TRDN: variants seen among roughly 807,000 people sequenced by gnomAD.
The protein encoded by TRDN is triadin.
TRDN carries 161 observed loss-of-function variants against 149.7 expected under a neutral mutation model. The observed-to-expected ratio is 1.08, with a 90% CI of 0.95 to 1.23. TRDN has a LOEUF of 1.23. Ranked by LOEUF, TRDN falls within the 50% of genes most tolerant of loss-of-function variation. TRDN has a pLI of 0.00. For synonymous variants in TRDN, 294 were observed against 250.5 expected (o/e 1.17, Z -1.64); for missense variants, 896 against 823.5 (o/e 1.09, Z -1.08).
intron 8 of TRDN, among the ~76,000 whole-genome samples, chr6:123,499,719 A>AAATATAT: frequency 4.2e-5 from 2 of 47,684 alleles, no homozygotes. Context: ...AAAAAAAAAA[A>AAATATAT]ATATATATAT....
At chr6:123,451,787 A>G (rs926708387) in intron 10 of TRDN, among the ~76,000 whole-genome samples, 2 of 152,172 alleles carry the variant, frequency 1.3e-5, no homozygotes, top group Admixed American at 1.3e-4. Context: ...AGGAAAGGAC[A>G]TAATGAAAAA....
chr6:123,332,741 C>A (rs906618558), intron 22 of TRDN, among the ~76,000 whole-genome samples: 1 of 152,020 alleles, frequency 6.6e-6, no homozygotes, highest in African/African-American at 2.4e-5. Flanking sequence ...ATCCTTTCAG[C>A]CCCTTTTTCT....
Position 123,442,836 on chromosome 6 carries a change from A to G in TRDN, c.932-3833T>C, listed in dbSNP as rs536882899. Among the ~76,000 whole-genome samples the G allele has an allele frequency of 5.9e-5, 9 of 152,170 alleles. No individual in the cohort carries two copies. The East Asian group carries it at 1.4e-3, about 23-fold the overall frequency. On this transcript the variant is annotated intron_variant, in intron 10 of 40. Coordinates refer to ENST00000334268, the MANE Select transcript of TRDN (RefSeq NM_006073.4). ...TATTTTGTATTAAGAAACTAAAGGG[A>G]AAAAAATACCCATAAGCAAGACAGA...
At chr6:123,635,170 A>G (rs1786240671) in intron 1 of TRDN, among the ~76,000 whole-genome samples, 1 of 152,074 alleles carries the variant, frequency 6.6e-6, no homozygotes, top group Admixed American at 6.6e-5. Flanking sequence ...GAGCTAAACA[A>G]GAAGTTTTTA....
chr6:123,303,762 A>G (rs1157535573), intron 24 of TRDN, among the ~76,000 whole-genome samples: 3 of 152,182 alleles, frequency 2.0e-5, no homozygotes, highest in African/African-American at 7.2e-5. Flanking sequence ...CAGTATGACA[A>G]TGAATGACAG....
chr6:123,280,032 G>A (rs1170919241), intron 24 of TRDN, among the ~76,000 whole-genome samples: 1 of 152,158 alleles, frequency 6.6e-6, no homozygotes, highest in African/African-American at 2.4e-5. Flanking sequence ...GGAAACAAAT[G>A]AGATGTACCC....
chr6:123,262,293 A>C (rs551859711), intron 33 of TRDN, among the ~76,000 whole-genome samples: 1 of 152,044 alleles, frequency 6.6e-6, no homozygotes, highest in Admixed American at 6.6e-5. Context: ...GAAGATCTCC[A>C]TACTGTGTTT....
rs372420125 is a variant in TRDN at position 123,410,988 on chromosome 6, G to C, written c.1052-17311C>G. On this transcript the variant is annotated intron_variant, in intron 12 of 40. Coordinates refer to ENST00000334268, the MANE Select transcript of TRDN (RefSeq NM_006073.4). ...CCAAATTTGATATTTACAAGCAGAA[G>C]AGTGCCTGGTGTGTAGCTGTTATTC... Among the ~76,000 whole-genome samples the C allele has an allele frequency of 3.5e-3, 535 of 151,298 alleles. 1 individual carries two copies. Among genetic ancestry groups the C allele is most frequent in the Non-Finnish European group, 6.1e-3 (417 of 67,938 alleles).
At chr6:123,472,052 T>C (rs952305959) in intron 9 of TRDN, among the ~76,000 whole-genome samples, 7 of 152,180 alleles carry the variant, frequency 4.6e-5, no homozygotes, top group African/African-American at 1.4e-4. Context: ...ACAAAGGTCA[T>C]GCATTGAGAA....
At position 123,500,908 on chromosome 6, in the gene TRDN, C is replaced by T. The variant is rs377234491; in HGVS notation, c.793+2811G>A. Among the ~76,000 whole-genome samples the T allele has an allele frequency of 2.7e-4, 41 of 152,236 alleles. 1 individual carries two copies. In the South Asian group the frequency reaches 7.1e-3, roughly 26 times the overall value. The stretch of plus-strand genomic sequence containing the variant: ...TTAAAAGAAAGAATGAGTGAAGGAG[C>T]AAAGTGTGTGGCAGCTGGAAAATTC... On this transcript the variant is annotated intron_variant, in intron 8 of 40. Transcript: ENST00000334268.
At chr6:123,300,278 C>G (rs1778355194) in intron 24 of TRDN, among the ~76,000 whole-genome samples, 1 of 151,782 alleles carries the variant, frequency 6.6e-6, no homozygotes, top group South Asian at 2.1e-4. Flanking sequence ...AGTACATAAG[C>G]AAGAAAATCA....
At chr6:123,592,069 CT>C (rs761098171) in intron 1 of TRDN, among the ~76,000 whole-genome samples, 17 of 152,120 alleles carry the variant, frequency 1.1e-4, no homozygotes, top group Non-Finnish European at 1.6e-4. Context: ...CTGTGTATTG[CT>C]TAGTCTTCAA....
At chr6:123,385,586 A>G (rs1372281252) in intron 14 of TRDN, among the ~76,000 whole-genome samples, 1 of 152,102 alleles carries the variant, frequency 6.6e-6, no homozygotes, top group African/African-American at 2.4e-5. Flanking sequence ...AATACTAGGA[A>G]TTTTGCTTTG....
At chr6:123,350,986 G>A in intron 21 of TRDN, 3 of 984,976 alleles carry the variant, frequency 3.0e-6, no homozygotes, top group Non-Finnish European at 3.6e-6. Flanking sequence ...GTGATGATCA[G>A]AAGAAAGAAA....
chr6:123,445,555 C>A, intron 10 of TRDN, among the ~76,000 whole-genome samples: 1 of 90,516 alleles, frequency 1.1e-5, no homozygotes, highest in Non-Finnish European at 2.1e-5. Flanking sequence ...AACAAACAAC[C>A]CCATCAAAAA....
chr6:123,604,565 T>C (rs183176553), intron 1 of TRDN, among the ~76,000 whole-genome samples: 10 of 152,268 alleles, frequency 6.6e-5, no homozygotes, highest in African/African-American at 2.4e-4. Context: ...GGCACAGTAG[T>C]TGGGGTAAGA....
At chr6:123,264,486 A>G (rs768405161) in intron 33 of TRDN, among the ~76,000 whole-genome samples, 2 of 151,986 alleles carry the variant, frequency 1.3e-5, no homozygotes, top group Non-Finnish European at 2.9e-5. Context: ...GATACTTGAG[A>G]TGGAATCTAC....
At chr6:123,256,388 T>A (rs1156517657) in intron 35 of TRDN, among the ~76,000 whole-genome samples, 1 of 152,050 alleles carries the variant, frequency 6.6e-6, no homozygotes, top group Non-Finnish European at 1.5e-5. Context: ...CTATTTCTGG[T>A]TCTAGATCCT....
At chr6:123,431,771 A>G (rs1774350344) in intron 12 of TRDN, among the ~76,000 whole-genome samples, 1 of 152,192 alleles carries the variant, frequency 6.6e-6, no homozygotes, top group Non-Finnish European at 1.5e-5. Flanking sequence ...TAGAAATTTA[A>G]GTGATCTGTA....
Sources: gnomAD v4.1 joint callset for allele counts (sites outside exome capture counted in the v4.1 genomes callset) on GRCh38, gnomAD v4.1.1 for gene constraint, MANE v1.5 for transcripts, NCBI Gene and HGNC (gene_info 2026-07-23, HGNC 2026-07-21) for gene names.